SLC35F2: variants seen among roughly 807,000 people sequenced by gnomAD.
SLC35F2 encodes solute carrier family 35 member F2, also known as queuine/queuosine transporter SLC35F2.
Under a neutral mutation model 38.1 loss-of-function variants are expected in SLC35F2, and 25 were observed. The observed-to-expected ratio is 0.66, with a 90% CI of 0.48 to 0.92. SLC35F2 has a LOEUF of 0.92. Among genes scored for constraint, SLC35F2 ranks in the 40% least tolerant of loss-of-function variants. SLC35F2 has a pLI of 0.00. For synonymous variants in SLC35F2, 173 were observed against 181.7 expected, an observed-to-expected ratio of 0.95 and a Z score of 0.38; for missense variants, 409 against 452.9, an observed-to-expected ratio of 0.90 and a Z score of 0.88.
rs1859123889 is a variant in SLC35F2, at chr11:107,791,127, A to T, written c.*1488T>A. ...GGTTGTTATTATACTGATGACACATATTAACACTTTGTATTGAAGAAGTAT... is the reference window on the plus strand; with the variant it reads ...GGTTGTTATTATACTGATGACACATTTTAACACTTTGTATTGAAGAAGTAT... On this transcript the variant is annotated 3_prime_UTR_variant, in exon 8 of 8. Transcript: ENST00000525815. The T allele has an allele frequency of 6.6e-6, 1 of 152,662 alleles. No individual in the cohort carries two copies. The highest frequency in any genetic ancestry group is 1.5e-5 in the Non-Finnish European group (1 of 68,042). The allele number at this position is 152,662 out of a possible 1,614,324, so 9.5% of individuals were successfully genotyped here.
chr11:107,817,297 G>GA (rs970064895), intron 1 of SLC35F2, among the ~76,000 whole-genome samples: 12 of 148,090 alleles, frequency 8.1e-5, no homozygotes, highest in Non-Finnish European at 1.6e-4. Context: ...AGAAAGAAAA[G>GA]AAAAAAAAAG....
chr11:107,842,257 CAAAAAAAAAAAAA>C (rs541185009), intron 1 of SLC35F2, among the ~76,000 whole-genome samples: 2 of 37,908 alleles, frequency 5.3e-5, no homozygotes, highest in Admixed American at 5.0e-4. Context: ...CTCCGTCTCA[CAAAAAAAAAAAAA>C]AAAAAAAAAA....
chr11:107,846,255 C>T (rs1860103210), intron 1 of SLC35F2, among the ~76,000 whole-genome samples: 1 of 151,336 alleles, frequency 6.6e-6, no homozygotes, highest in South Asian at 2.1e-4. Context: ...AGAAAAAAGG[C>T]TGAAAAAAAT....
At chr11:107,805,261 A>T (rs1484011679) in intron 5 of SLC35F2, 98 bp downstream of exon 5, 1 of 1,429,614 alleles carries the variant, frequency 7.0e-7, no homozygotes. Context: ...TACTAATTCC[A>T]AATGTGAATT....
intron 1 of SLC35F2, among the ~76,000 whole-genome samples, chr11:107,857,359 G>A (rs74534324): frequency 0.033 from 4,270 of 129,162 alleles, 99 homozygotes; most frequent in South Asian, 0.074. Context: ...GAAGGAAGGA[G>A]AGAGGGAGAG....
At chr11:107,845,037 T>A (rs1860083827) in intron 1 of SLC35F2, among the ~76,000 whole-genome samples, 1 of 151,748 alleles carries the variant, frequency 6.6e-6, no homozygotes. Flanking sequence ...CAGAATAGTG[T>A]GGTTGCTCAG....
intron 1 of SLC35F2, among the ~76,000 whole-genome samples, chr11:107,832,643 A>C (rs1287032207): frequency 6.6e-6 from 1 of 152,110 alleles, no homozygotes; most frequent in Non-Finnish European, 1.5e-5. Flanking sequence ...TCTCTACAGA[A>C]AAAAATGCAA....
intron 1 of SLC35F2, among the ~76,000 whole-genome samples, chr11:107,836,598 G>A (rs1457651281): frequency 2.6e-5 from 4 of 152,172 alleles, no homozygotes; most frequent in Non-Finnish European, 5.9e-5. Context: ...GAGATGCAAC[G>A]TTGCTAGCTT....
intron 7 of SLC35F2, among the ~76,000 whole-genome samples, chr11:107,798,374 A>G (rs1859253097): frequency 6.6e-6 from 1 of 152,198 alleles, no homozygotes; most frequent in Admixed American, 6.5e-5. Context: ...GAAAACACCT[A>G]TATAACTTGT....
At chr11:107,793,107 G>A (rs1295943843) in intron 7 of SLC35F2, among the ~76,000 whole-genome samples, 2 of 55,190 alleles carry the variant, frequency 3.6e-5, no homozygotes, top group Non-Finnish European at 1.1e-4. Context: ...TGTAGAGACG[G>A]GGTTTTTCCA....
chr11:107,807,704 G>T (rs1859420513), intron 3 of SLC35F2, among the ~76,000 whole-genome samples: 1 of 151,984 alleles, frequency 6.6e-6, no homozygotes, highest in African/African-American at 2.4e-5. Context: ...CTCCCAAGGA[G>T]CTGGGATTAC....
chr11:107,816,591 C>T (rs1859578433), intron 1 of SLC35F2, among the ~76,000 whole-genome samples: 1 of 151,556 alleles, frequency 6.6e-6, no homozygotes, highest in African/African-American at 2.4e-5. Context: ...CTGGCCCTTA[C>T]CCTGCATTTC....
intron 3 of SLC35F2, 40 bp from the exon 4 acceptor site, chr11:107,806,916 C>T (rs763580155): frequency 1.3e-6 from 2 of 1,585,212 alleles, no homozygotes; most frequent in Non-Finnish European, 8.6e-7. Context: ...ACATATCTCT[C>T]ATTAGCTAAA....
chr11:107,814,359 G>T (rs1481366412), intron 2 of SLC35F2, among the ~76,000 whole-genome samples: 3 of 151,770 alleles, frequency 2.0e-5, no homozygotes, highest in Non-Finnish European at 4.4e-5. Flanking sequence ...GGAGGCTGAG[G>T]CAAGAGAATC....
chr11:107,828,303 G>A (rs12808326), intron 1 of SLC35F2, among the ~76,000 whole-genome samples: 9,579 of 151,786 alleles, frequency 0.063, 326 homozygotes, highest in East Asian at 0.099. Flanking sequence ...TGCCAGTGGC[G>A]GGAGCCTGTA....
At chr11:107,796,261 A>G (rs1487048182) in intron 7 of SLC35F2, among the ~76,000 whole-genome samples, 1 of 152,236 alleles carries the variant, frequency 6.6e-6, no homozygotes, top group Non-Finnish European at 1.5e-5. Flanking sequence ...CAATCCAGCA[A>G]TCCCACTACT....
At chr11:107,824,081 G>A (rs1002073848) in intron 1 of SLC35F2, 2 of 812,686 alleles carry the variant, frequency 2.5e-6, no homozygotes, top group Non-Finnish European at 3.0e-6. Context: ...ATTCTAGTAA[G>A]CATGAGTAGC....
At position 107,804,762 on chromosome 11, in the gene SLC35F2, A is replaced by ACAAT; in HGVS notation, c.736_739dup (p.Val247AspfsTer5). On this transcript the variant is annotated frameshift_variant, in exon 6 of 8. Transcript: ENST00000525815. LOFTEE classifies it high-confidence loss of function. ...AATGCTGGCAATATCCTTATATTCC[A>ACAAT]CAATCAATCTAAGATTAAAACAAGA... is the stretch of plus-strand genomic sequence containing the variant. 6.2e-7 allele frequency: 1 copy of ACAAT among 1,606,232 alleles called. No homozygotes were observed. The highest frequency in any genetic ancestry group is 8.5e-7 in the Non-Finnish European group (1 of 1,177,058).
chr11:107,818,219 C>T (rs1325877426), intron 1 of SLC35F2, among the ~76,000 whole-genome samples: 1 of 152,076 alleles, frequency 6.6e-6, no homozygotes, highest in East Asian at 1.9e-4. Context: ...ATTACTTGAG[C>T]CCAGGAGTTT....
Sources: gnomAD v4.1 joint callset for allele counts (sites outside exome capture counted in the v4.1 genomes callset) on GRCh38, gnomAD v4.1.1 for gene constraint, MANE v1.5 for transcripts, NCBI Gene and HGNC (gene_info 2026-07-23, HGNC 2026-07-21) for gene names.